The following DECR1 variants were observed in gnomAD, a reference collection of about 807,000 sequenced individuals.
The protein encoded by DECR1 is 2,4-dienoyl-CoA reductase [(3E)-enoyl-CoA-producing], mitochondrial.
A neutral mutation model predicts 38.8 loss-of-function variants in DECR1; 44 were observed. The ratio of observed to expected loss-of-function variants is 1.13; its 90% CI spans 0.89 to 1.46. The LOEUF (loss-of-function observed/expected upper bound fraction) is 1.46. DECR1 is among the 40% of genes most tolerant of loss of function. The pLI is 0.00. For missense variants in DECR1, 428 were observed against 405.5 expected (o/e 1.06, Z -0.48); for synonymous variants, 148 against 135.2 (o/e 1.09, Z -0.66).
At chr8:90,027,908 C>A (rs1813393952) in intron 5 of DECR1, among the ~76,000 whole-genome samples, 1 of 152,066 alleles carries the variant, frequency 6.6e-6, no homozygotes, top group Non-Finnish European at 1.5e-5. Context: ...AACACCATTG[C>A]ATTCCTAGGC....
intron 1 of DECR1, among the ~76,000 whole-genome samples, chr8:90,012,018 T>C (rs749811748): frequency 6.6e-6 from 1 of 152,216 alleles, no homozygotes; most frequent in Non-Finnish European, 1.5e-5. Flanking sequence ...TTTGTTTAAA[T>C]ATGCTTATTT....
chr8:90,029,983 T>G (rs1157308416), intron 5 of DECR1, among the ~76,000 whole-genome samples: 1 of 152,094 alleles, frequency 6.6e-6, no homozygotes, highest in Non-Finnish European at 1.5e-5. Flanking sequence ...CCCAGCCCTT[T>G]TGGCACCAGG....
At chr8:90,050,573 G>T (rs1192672838) in intron 8 of DECR1, among the ~76,000 whole-genome samples, 13 of 152,204 alleles carry the variant, frequency 8.5e-5, no homozygotes, top group African/African-American at 3.1e-4. Flanking sequence ...TACGCTGTTG[G>T]TGGGACTGTA....
chr8:90,033,406 G>A (rs1414456014), intron 5 of DECR1, among the ~76,000 whole-genome samples: 1 of 151,900 alleles, frequency 6.6e-6, no homozygotes, highest in Non-Finnish European at 1.5e-5. Flanking sequence ...TGTCTGCTCT[G>A]AGCTGTTAGA....
chr8:90,031,881 A>G (rs944420354), intron 5 of DECR1, among the ~76,000 whole-genome samples: 8 of 152,142 alleles, frequency 5.3e-5, no homozygotes, highest in African/African-American at 1.4e-4. Flanking sequence ...TCCTTCGGTG[A>G]TAGGTAAAGT....
chr8:90,015,277 A>G (rs1294035550), intron 1 of DECR1, among the ~76,000 whole-genome samples: 2 of 152,146 alleles, frequency 1.3e-5, no homozygotes, highest in Non-Finnish European at 2.9e-5. Flanking sequence ...CCCTATTATT[A>G]TTTATCTTTA....
intron 5 of DECR1, among the ~76,000 whole-genome samples, chr8:90,026,357 C>CT (rs1563636540): frequency 6.6e-6 from 1 of 152,042 alleles, no homozygotes; most frequent in African/African-American, 2.4e-5. Flanking sequence ...TGTTCCTGGA[C>CT]TTTTTTTGGT....
chr8:90,018,965 A>C lies in DECR1; in HGVS notation c.329A>C (p.Lys110Thr). 6.3e-7 allele frequency: 1 copy of C among 1,592,998 alleles called. No individual in the cohort carries two copies. Among genetic ancestry groups the C allele is most frequent in the East Asian group, 2.3e-5 (1 of 44,444 alleles). ...CAAATTTCTTCTCAAACTGGAAATAAGGTACATTAAAAATCAGTTATTTAA... is the reference window on the plus strand; with the variant it reads ...CAAATTTCTTCTCAAACTGGAAATACGGTACATTAAAAATCAGTTATTTAA... ...AEQISSQTGN[K>T]VHAIQCDVRD... Residue 110 changes from lysine (K) to threonine (T), a missense_variant and splice_region_variant, in exon 3 of 10, where the codon AAG becomes ACG. Transcript: ENST00000220764.
At chr8:90,006,060 A>G (rs899459999) in intron 1 of DECR1, 6 of 626,242 alleles carry the variant, frequency 9.6e-6, no homozygotes, top group Non-Finnish European at 1.7e-5. Flanking sequence ...TACGACATTC[A>G]TGATGGATCT....
At position 90,009,520 on chromosome 8, in the gene DECR1, C is replaced by T. The variant is rs553172028; in HGVS notation, c.70-7604C>T. 4.6e-5 allele frequency among the ~76,000 whole-genome samples: 7 copies of T among 151,308 alleles called. No individual in the cohort carries two copies. In the South Asian group the frequency reaches 6.2e-4, roughly 13 times the overall value. Reference sequence around the variant, plus strand: ...TGTGTCTGTTTTTTTTTTTTACTGCCGTACTGCCATGCCTAGAACAGTGCC... The same window carrying T: ...TGTGTCTGTTTTTTTTTTTTACTGCTGTACTGCCATGCCTAGAACAGTGCC... On this transcript the variant is annotated intron_variant, in intron 1 of 9. Transcript: ENST00000220764.
At chr8:90,017,555 G>A (rs974122670) in intron 2 of DECR1, among the ~76,000 whole-genome samples, 1 of 152,144 alleles carries the variant, frequency 6.6e-6, no homozygotes, top group Non-Finnish European at 1.5e-5. Flanking sequence ...GTAAACATCC[G>A]CAATTTTCAT....
intron 1 of DECR1, chr8:90,005,274 G>T (rs924716625): frequency 1.1e-5 from 5 of 451,506 alleles, no homozygotes; most frequent in African/African-American, 4.0e-5. Flanking sequence ...AGAAAATTGA[G>T]CATTTACTAT....
intron 1 of DECR1, among the ~76,000 whole-genome samples, chr8:90,008,715 A>C (rs1334084708): frequency 6.6e-6 from 1 of 152,214 alleles, no homozygotes; most frequent in Non-Finnish European, 1.5e-5. Flanking sequence ...CATTCTATGC[A>C]TGGAATAAAA....
chr8:90,007,550 G>A (rs117712728), intron 1 of DECR1, among the ~76,000 whole-genome samples: 4,596 of 152,180 alleles, frequency 0.03, 110 homozygotes, highest in Non-Finnish European at 0.047. Flanking sequence ...GGGCAGGGCA[G>A]GTGGTGGGGG....
At chr8:90,025,941 A>T (rs1813323678) in intron 5 of DECR1, among the ~76,000 whole-genome samples, 1 of 152,144 alleles carries the variant, frequency 6.6e-6, no homozygotes, top group African/African-American at 2.4e-5. Context: ...AGGGCGGTTG[A>T]ATTTTGTCGA....
At chr8:90,039,877 C>T (rs918641956) in intron 6 of DECR1, among the ~76,000 whole-genome samples, 19 of 152,260 alleles carry the variant, frequency 1.2e-4, no homozygotes, top group African/African-American at 4.3e-4. Flanking sequence ...ATAGTATTGA[C>T]ACATGGTAAG....
At chr8:90,008,396 C>CACTT (rs1156290619) in intron 1 of DECR1, among the ~76,000 whole-genome samples, 1 of 152,200 alleles carries the variant, frequency 6.6e-6, no homozygotes, top group Non-Finnish European at 1.5e-5. Context: ...CTCTCATGTA[C>CACTT]ACTTAATGAC....
At chr8:90,003,740 G>A (rs1812674232) in intron 1 of DECR1, among the ~76,000 whole-genome samples, 1 of 152,116 alleles carries the variant, frequency 6.6e-6, no homozygotes, top group South Asian at 2.1e-4. Context: ...AAGAGATCAA[G>A]ACTATCCTGG....
At chr8:90,019,425 C>G (rs913187145) in intron 4 of DECR1, among the ~76,000 whole-genome samples, 5 of 152,188 alleles carry the variant, frequency 3.3e-5, no homozygotes, top group African/African-American at 9.6e-5. Context: ...AGGGCAACAC[C>G]ATAGTCAATG....
Sources: gnomAD v4.1 joint callset for allele counts (sites outside exome capture counted in the v4.1 genomes callset) on GRCh38, gnomAD v4.1.1 for gene constraint, MANE v1.5 for transcripts, NCBI Gene and HGNC (gene_info 2026-07-23, HGNC 2026-07-21) for gene names.